Variants in XKR6 observed in about 807,000 individuals in gnomAD.
XKR6 encodes XK-related protein 6.
A neutral mutation model predicts 56.7 loss-of-function variants in XKR6; 22 were observed. The observed-to-expected ratio is 0.39, with a 90% CI of 0.28 to 0.55. XKR6 has a LOEUF of 0.55. XKR6 is among the 20% of genes least tolerant of loss of function. The pLI, the probability that XKR6 is intolerant of heterozygous loss-of-function variation, is 0.66. For synonymous variants in XKR6, 524 were observed against 387.8 expected, an observed-to-expected ratio of 1.35 and a Z score of -4.13; for missense variants, 852 against 889.0, an observed-to-expected ratio of 0.96 and a Z score of 0.53.
intron 1 of XKR6, among the ~76,000 whole-genome samples, chr8:11,070,193 T>C (rs1800081223): frequency 6.6e-6 from 1 of 152,184 alleles, no homozygotes; most frequent in Admixed American, 6.5e-5. Flanking sequence ...GTCCCCGTAG[T>C]CTCCAGGACT....
intron 1 of XKR6, among the ~76,000 whole-genome samples, chr8:10,978,406 A>G (rs575224184): frequency 5.2e-4 from 79 of 152,342 alleles, no homozygotes; most frequent in African/African-American, 1.7e-3. Flanking sequence ...ATGGATTTAT[A>G]CATCCTGTGA....
At chr8:11,090,197 A>T (rs184958302) in intron 1 of XKR6, among the ~76,000 whole-genome samples, 183 of 152,126 alleles carry the variant, frequency 1.2e-3, no homozygotes, top group Middle Eastern at 6.8e-3. Context: ...CGATCCTCCC[A>T]CCTCGGCCTC....
intron 1 of XKR6, among the ~76,000 whole-genome samples, chr8:10,929,945 G>A (rs187554778): frequency 1.4e-4 from 21 of 152,326 alleles, no homozygotes; most frequent in Middle Eastern, 3.4e-3. Flanking sequence ...TCCAGCAGAA[G>A]TATCTAGTCC....
intron 1 of XKR6, among the ~76,000 whole-genome samples, chr8:11,074,680 C>T (rs1406767500): frequency 1.3e-5 from 2 of 152,156 alleles, no homozygotes; most frequent in African/African-American, 4.8e-5. Flanking sequence ...AGCACACAGT[C>T]CAAGGTGGGA....
chr8:11,150,849 T>C (rs536421219), intron 1 of XKR6, among the ~76,000 whole-genome samples: 35 of 98,514 alleles, frequency 3.6e-4, no homozygotes, highest in African/African-American at 1.7e-3. Flanking sequence ...CAAGACTCCA[T>C]CTCAAAAAAA....
intron 1 of XKR6, among the ~76,000 whole-genome samples, chr8:10,942,882 G>A (rs1402155982): frequency 1.3e-5 from 2 of 152,224 alleles, no homozygotes; most frequent in African/African-American, 4.8e-5. Context: ...CTTGCCTGAC[G>A]CATCCTTCTG....
chr8:11,088,331 A>C (rs1284540587), intron 1 of XKR6, among the ~76,000 whole-genome samples: 1 of 152,232 alleles, frequency 6.6e-6, no homozygotes, highest in East Asian at 1.9e-4. Context: ...ATGGTCTTAC[A>C]CAGTCAAGCA....
At position 11,193,380 on chromosome 8, in the gene XKR6, G is replaced by T. The variant is rs533680987; in HGVS notation, c.764+7196C>A. On this transcript the variant is annotated intron_variant, in intron 1 of 2. Coordinates refer to ENST00000416569, the MANE Select transcript of XKR6 (RefSeq NM_173683.4). ...CTGTAAAATACCATAGGGTGCTGTA[G>T]TATGTTTTGAGCTATATTAAAATAA... Among the ~76,000 whole-genome samples the T allele has an allele frequency of 4.6e-5, 7 of 152,266 alleles. No individual in the cohort carries two copies. In the South Asian group the frequency reaches 1.4e-3, roughly 32 times the overall value.
At chr8:11,154,055 G>C (rs1287851690) in intron 1 of XKR6, among the ~76,000 whole-genome samples, 1 of 152,214 alleles carries the variant, frequency 6.6e-6, no homozygotes, top group Admixed American at 6.5e-5. Context: ...TTGCCGAGAA[G>C]AGACATCTGG....
intron 1 of XKR6, among the ~76,000 whole-genome samples, chr8:11,052,468 C>A (rs976944616): frequency 6.6e-6 from 1 of 152,148 alleles, no homozygotes; most frequent in African/African-American, 2.4e-5. Context: ...TCTCCCGGAC[C>A]GACACTGGCT....
chr8:11,087,468 T>C (rs982750215), intron 1 of XKR6, among the ~76,000 whole-genome samples: 4 of 152,178 alleles, frequency 2.6e-5, no homozygotes, highest in Admixed American at 6.5e-5. Flanking sequence ...TGATGAAGTT[T>C]GGCCAAGGAG....
intron 1 of XKR6, chr8:11,111,782 T>G (rs1798907027): frequency 6.6e-6 from 1 of 152,128 alleles, no homozygotes; most frequent in Admixed American, 6.5e-5. Flanking sequence ...ATCTAGTAAG[T>G]TACTAGATAT....
At chr8:11,047,517 G>C (rs1016520968) in intron 1 of XKR6, among the ~76,000 whole-genome samples, 5 of 152,202 alleles carry the variant, frequency 3.3e-5, no homozygotes, top group African/African-American at 1.2e-4. Context: ...AAAGAAACCA[G>C]TCACAAAAAG....
intron 2 of XKR6, among the ~76,000 whole-genome samples, chr8:10,903,513 C>T (rs143806711): frequency 1.3e-4 from 20 of 152,116 alleles, no homozygotes; most frequent in Non-Finnish European, 1.0e-4. Flanking sequence ...GTGTCCCCCC[C>T]ACAAAATCCA....
chr8:10,981,633 C>T (rs1201369310), intron 1 of XKR6, among the ~76,000 whole-genome samples: 1 of 152,214 alleles, frequency 6.6e-6, no homozygotes, highest in Admixed American at 6.5e-5. Flanking sequence ...GCACTGACCG[C>T]ACTTCCAGGT....
intron 1 of XKR6, among the ~76,000 whole-genome samples, chr8:11,091,875 G>C (rs995148459): frequency 5.9e-5 from 9 of 152,134 alleles, no homozygotes; most frequent in Admixed American, 4.6e-4. Flanking sequence ...CTGACACCCA[G>C]CACAATGCCA....
intron 1 of XKR6, among the ~76,000 whole-genome samples, chr8:11,072,810 G>A (rs1028634902): frequency 2.0e-5 from 3 of 151,102 alleles, no homozygotes; most frequent in Non-Finnish European, 2.9e-5. Flanking sequence ...CAGCACTTTG[G>A]AGACCAAGGC....
At chr8:11,114,020 CCTT>C (rs1165389591) in intron 1 of XKR6, 2 of 413,066 alleles carry the variant, frequency 4.8e-6, no homozygotes, top group Admixed American at 6.6e-5. Flanking sequence ...CGATCGCTCA[CCTT>C]CTAGTCAGAA....
chr8:11,051,398 G>A (rs1799544500), intron 1 of XKR6, among the ~76,000 whole-genome samples: 1 of 152,026 alleles, frequency 6.6e-6, no homozygotes, highest in South Asian at 2.1e-4. Context: ...ACATCTCCAA[G>A]CCCTACACTT....
Sources: gnomAD v4.1 joint callset for allele counts (sites outside exome capture counted in the v4.1 genomes callset) on GRCh38, gnomAD v4.1.1 for gene constraint, MANE v1.5 for transcripts, NCBI Gene and HGNC (gene_info 2026-07-23, HGNC 2026-07-21) for gene names.